The following RBFOX1 variants were observed in gnomAD, a reference collection of about 807,000 sequenced individuals.
The protein encoded by RBFOX1 is RNA binding fox-1 homolog 1.
Under a neutral mutation model 57.7 loss-of-function variants are expected in RBFOX1, and 8 were observed. That is an observed-to-expected ratio of 0.14 (90% CI 0.08 to 0.25). RBFOX1 has a LOEUF of 0.25. Ranked by LOEUF, RBFOX1 falls within the 10% of genes least tolerant of loss-of-function variation. The pLI is 1.00. For synonymous variants in RBFOX1, 326 were observed against 222.4 expected (o/e 1.47, Z -4.15); for missense variants, 611 against 548.5 (o/e 1.11, Z -1.14).
chr16:5,507,726 A>C (rs1243745720), intron 2 of RBFOX1, among the ~76,000 whole-genome samples: 1 of 152,236 alleles, frequency 6.6e-6, no homozygotes, highest in Admixed American at 6.5e-5. Flanking sequence ...CTTTGGAAAC[A>C]GACACACACA....
intron 4 of RBFOX1, among the ~76,000 whole-genome samples, chr16:7,160,730 T>A (rs1264567133): frequency 6.6e-6 from 1 of 152,040 alleles, no homozygotes; most frequent in Admixed American, 6.6e-5. Flanking sequence ...TCAGGCAGTT[T>A]CTTAACATAG....
intron 2 of RBFOX1, among the ~76,000 whole-genome samples, chr16:6,375,024 G>C (rs2090981725): frequency 6.6e-6 from 1 of 152,174 alleles, no homozygotes; most frequent in Non-Finnish European, 1.5e-5. Flanking sequence ...GTGCTTATTT[G>C]CTCCTTTTTT....
intron 2 of RBFOX1, among the ~76,000 whole-genome samples, chr16:6,643,221 C>T (rs532382876): frequency 1.6e-4 from 24 of 152,302 alleles, no homozygotes; most frequent in Non-Finnish European, 3.2e-4. Context: ...GAATTGGATA[C>T]TCTTGCATAG....
At chr16:7,051,950 A>G in intron 3 of RBFOX1, 107 bp from the exon 4 acceptor site, 2 of 1,471,926 alleles carry the variant, frequency 1.4e-6, no homozygotes, top group Non-Finnish European at 1.8e-6. Flanking sequence ...TTAATTAATT[A>G]TGGGTTTTCT....
At chr16:6,197,480 C>T (rs1252054531) in intron 1 of RBFOX1, among the ~76,000 whole-genome samples, 1 of 152,136 alleles carries the variant, frequency 6.6e-6, no homozygotes, top group East Asian at 1.9e-4. Flanking sequence ...ATCATCCCTG[C>T]TCCACCTGAG....
At chr16:6,869,571 G>A (rs571727416) in intron 3 of RBFOX1, among the ~76,000 whole-genome samples, 5 of 151,812 alleles carry the variant, frequency 3.3e-5, no homozygotes, top group South Asian at 4.2e-4. Context: ...ATTAATTTCT[G>A]TGCAGAGTAG....
At chr16:5,974,555 A>G (rs1234091172) in intron 4 of RBFOX1, among the ~76,000 whole-genome samples, 1 of 152,120 alleles carries the variant, frequency 6.6e-6, no homozygotes, top group Non-Finnish European at 1.5e-5. Flanking sequence ...GGTTGCAGTG[A>G]GCTGAGATGG....
At chr16:6,565,126 C>CA (rs34624731) in intron 2 of RBFOX1, among the ~76,000 whole-genome samples, 2,546 of 98,040 alleles carry the variant, frequency 0.026, 99 homozygotes, top group African/African-American at 0.08. Flanking sequence ...ACTCTGTCTC[C>CA]AAAAAAAAAA....
intron 4 of RBFOX1, among the ~76,000 whole-genome samples, chr16:7,438,573 C>G (rs1036521495): frequency 1.3e-5 from 2 of 152,146 alleles, no homozygotes; most frequent in African/African-American, 2.4e-5. Context: ...ATTTGTAAAC[C>G]TCTCTGAATC....
At position 7,709,062 on chromosome 16, in the gene RBFOX1, A is replaced by T. The variant is rs773754710; in HGVS notation, c.1002A>T (p.Gly334=). The change falls in exon 15 of 16, where the codon GGA becomes GGT. Residue 334 remains glycine, a synonymous_variant. Coordinates refer to ENST00000550418, the MANE Select transcript of RBFOX1 (RefSeq NM_018723.4). ...ATAAAYSDSY[G]RVYAADPYHH... ...ACCTCTATTTTCCTTTCAGTTACGG[A>T]CGAGTTTATGCTGCCGACCCCTACC... is the stretch of plus-strand genomic sequence containing the variant. The T allele has an allele frequency of 2.5e-6, 4 of 1,613,346 alleles. No individual in the cohort carries two copies. The highest frequency in any genetic ancestry group is 2.5e-6 in the Non-Finnish European group (3 of 1,179,418).
chr16:7,192,588 C>G (rs971284078), intron 4 of RBFOX1, among the ~76,000 whole-genome samples: 2 of 152,096 alleles, frequency 1.3e-5, no homozygotes, highest in Admixed American at 6.6e-5. Flanking sequence ...TAGAGGAGAT[C>G]CAGACACACG....
intron 1 of RBFOX1, among the ~76,000 whole-genome samples, chr16:6,175,498 T>C (rs565414417): frequency 1.1e-3 from 161 of 152,028 alleles, no homozygotes; most frequent in African/African-American, 3.8e-3. Context: ...GGTTTTTCTG[T>C]AGGTCGGGGG....
At chr16:7,211,858 C>T (rs1456511897) in intron 4 of RBFOX1, among the ~76,000 whole-genome samples, 1 of 152,076 alleles carries the variant, frequency 6.6e-6, no homozygotes, top group Non-Finnish European at 1.5e-5. Flanking sequence ...GCAGCGTTTC[C>T]TAATATAAAT....
At chr16:7,196,349 AC>A (rs1018383091) in intron 4 of RBFOX1, among the ~76,000 whole-genome samples, 18 of 151,948 alleles carry the variant, frequency 1.2e-4, no homozygotes, top group Middle Eastern at 3.2e-3. Context: ...AACTTTTCCT[AC>A]CCACCCTGCT....
chr16:5,792,624 C>T (rs2054739476), intron 3 of RBFOX1, among the ~76,000 whole-genome samples: 1 of 152,154 alleles, frequency 6.6e-6, no homozygotes, highest in South Asian at 2.1e-4. Flanking sequence ...GGGTGGATCA[C>T]CTGAGGTCAG....
chr16:5,940,887 G>C (rs2059265220), intron 4 of RBFOX1, among the ~76,000 whole-genome samples: 1 of 152,188 alleles, frequency 6.6e-6, no homozygotes, highest in African/African-American at 2.4e-5. Context: ...ATGTTGGGCT[G>C]TGTGTAAGAA....
intron 1 of RBFOX1, among the ~76,000 whole-genome samples, chr16:5,413,761 C>T (rs1407203303): frequency 1.3e-5 from 2 of 152,082 alleles, no homozygotes; most frequent in Non-Finnish European, 2.9e-5. Context: ...GTAGTAGGTG[C>T]AGAATTACGA....
intron 2 of RBFOX1, among the ~76,000 whole-genome samples, chr16:5,509,324 G>T (rs576106336): frequency 5.9e-5 from 9 of 152,290 alleles, no homozygotes; most frequent in African/African-American, 1.9e-4. Context: ...TCCCACAGCT[G>T]GCCGGAACCA....
chr16:6,528,207 G>C (rs2096608371), intron 2 of RBFOX1, among the ~76,000 whole-genome samples: 1 of 152,068 alleles, frequency 6.6e-6, no homozygotes, highest in Admixed American at 6.5e-5. Context: ...CCTGCTCATA[G>C]TAGTTGCTCA....
Sources: gnomAD v4.1 joint callset for allele counts (sites outside exome capture counted in the v4.1 genomes callset) on GRCh38, gnomAD v4.1.1 for gene constraint, MANE v1.5 for transcripts, NCBI Gene and HGNC (gene_info 2026-07-23, HGNC 2026-07-21) for gene names.